Variants in PDE3B observed in about 807,000 individuals in gnomAD.
The protein encoded by PDE3B is cGMP-inhibited 3',5'-cyclic phosphodiesterase 3B.
In PDE3B, 66 loss-of-function variants were observed where a neutral mutation model predicts 116.8. That is an observed-to-expected ratio of 0.56 (90% CI 0.46 to 0.69). The LOEUF is 0.69. Ranked by LOEUF, PDE3B falls within the 30% of genes least tolerant of loss-of-function variation. The probability of loss-of-function intolerance (pLI) is 0.00; values close to 1 mark genes in which losing one functional copy is unlikely to be tolerated. For synonymous variants in PDE3B, 595 were observed against 533.6 expected, an observed-to-expected ratio of 1.12 and a Z score of -1.59; for missense variants, 1,384 against 1,368.1, an observed-to-expected ratio of 1.01 and a Z score of -0.18.
intron 1 of PDE3B, among the ~76,000 whole-genome samples, chr11:14,647,926 GT>G (rs34959387): frequency 0.15 from 20,315 of 136,336 alleles, 1,887 homozygotes; most frequent in African/African-American, 0.31. Context: ...CTTAACTAAG[GT>G]TTTTTTTTTT....
intron 1 of PDE3B, among the ~76,000 whole-genome samples, chr11:14,679,705 A>C (rs919038776): frequency 6.6e-6 from 1 of 151,764 alleles, no homozygotes; most frequent in African/African-American, 2.4e-5. Context: ...GGAGCAGCTC[A>C]GGGCGAACTC....
At chr11:14,867,990 G>T (rs1848078629) in intron 15 of PDE3B, among the ~76,000 whole-genome samples, 1 of 152,080 alleles carries the variant, frequency 6.6e-6, no homozygotes. Context: ...ATTTTGAATA[G>T]GGATATTCAA....
At chr11:14,863,830 A>G (rs1214427141) in intron 14 of PDE3B, among the ~76,000 whole-genome samples, 7 of 152,250 alleles carry the variant, frequency 4.6e-5, no homozygotes, top group African/African-American at 1.2e-4. Context: ...GGAAAAACCG[A>G]TAACAGCCAC....
chr11:14,811,084 G>A (rs200503013), intron 5 of PDE3B, among the ~76,000 whole-genome samples: 13 of 147,052 alleles, frequency 8.8e-5, no homozygotes, highest in Non-Finnish European at 6.0e-5. Flanking sequence ...TGTCAGATGA[G>A]TAGGTTGTGA....
At chr11:14,781,931 A>G (rs2133910404) in intron 2 of PDE3B, among the ~76,000 whole-genome samples, 1 of 152,278 alleles carries the variant, frequency 6.6e-6, no homozygotes, top group African/African-American at 2.4e-5. Flanking sequence ...TCAGCCCCAA[A>G]TCTCCTTAAG....
At chr11:14,803,741 A>G (rs1006125704) in intron 4 of PDE3B, among the ~76,000 whole-genome samples, 10 of 152,202 alleles carry the variant, frequency 6.6e-5, no homozygotes, top group Admixed American at 2.0e-4. Context: ...AGTAGCTGCA[A>G]TAGAGAACAT....
intron 1 of PDE3B, among the ~76,000 whole-genome samples, chr11:14,722,255 A>T (rs1055704967): frequency 6.6e-6 from 1 of 152,148 alleles, no homozygotes; most frequent in African/African-American, 2.4e-5. Flanking sequence ...GCACATGTAT[A>T]CATATGTAAC....
At chr11:14,840,232 A>C (rs1860180916) in intron 11 of PDE3B, among the ~76,000 whole-genome samples, 1 of 152,234 alleles carries the variant, frequency 6.6e-6, no homozygotes, top group Non-Finnish European at 1.5e-5. Flanking sequence ...GTGTAAATAC[A>C]TGGAGTTTTG....
chr11:14,857,677 T>C (rs782583573), intron 12 of PDE3B, among the ~76,000 whole-genome samples: 1 of 152,206 alleles, frequency 6.6e-6, no homozygotes, highest in Non-Finnish European at 1.5e-5. Flanking sequence ...TTTGGCAATT[T>C]CAAAGGGTAA....
At chr11:14,877,248 C>G in the PDE3B span, among the ~76,000 whole-genome samples, 2 of 152,094 alleles carry the variant, frequency 1.3e-5, no homozygotes, top group South Asian at 4.1e-4. Flanking sequence ...TCCCAGTTTA[C>G]ACAGTTACCC....
chr11:14,799,504 G>T (rs1401257194), intron 4 of PDE3B, among the ~76,000 whole-genome samples: 1 of 151,962 alleles, frequency 6.6e-6, no homozygotes, highest in Admixed American at 6.6e-5. Context: ...TTTCTGTCTC[G>T]TTGATCTGTC....
chr11:14,731,315 G>A (rs1856451609), intron 1 of PDE3B, among the ~76,000 whole-genome samples: 2 of 145,556 alleles, frequency 1.4e-5, no homozygotes, highest in Non-Finnish European at 3.0e-5. Flanking sequence ...CTGGAGTGCA[G>A]TGGCACTATC....
At chr11:14,876,848 C>G (rs972610479), downstream of PDE3B, among the ~76,000 whole-genome samples, 5 of 152,116 alleles carry the variant, frequency 3.3e-5, no homozygotes, top group Non-Finnish European at 7.4e-5. Flanking sequence ...GACCCTAAAA[C>G]TTCCACCCTT....
At chr11:14,655,962 AT>A (rs1853706226) in intron 1 of PDE3B, among the ~76,000 whole-genome samples, 1 of 152,186 alleles carries the variant, frequency 6.6e-6, no homozygotes, top group Non-Finnish European at 1.5e-5. Flanking sequence ...ATGTTGGAAG[AT>A]TTTCAGAAGA....
At chr11:14,679,860 T>G (rs1174673747) in intron 1 of PDE3B, among the ~76,000 whole-genome samples, 3 of 151,974 alleles carry the variant, frequency 2.0e-5, no homozygotes, top group African/African-American at 7.2e-5. Flanking sequence ...TCCACTTTGC[T>G]CCATCACTCT....
rs1193286275 is a variant in PDE3B, at chr11:14,647,082, CAGTG to C, written c.978+2030_978+2033del. ...ATTTATGCTTGTTCCAGAAGTCTAA[CAGTG>C]GATTTGTGCTTTTTGTTTGCATGTA... On this transcript the variant is annotated intron_variant, in intron 1 of 15. Transcript: ENST00000282096. 3.3e-5 allele frequency among the ~76,000 whole-genome samples: 5 copies of C among 151,852 alleles called. No individual in the cohort carries two copies. In the East Asian group the frequency reaches 9.6e-4, roughly 29 times the overall value.
At chr11:14,677,425 A>G (rs530933889) in intron 1 of PDE3B, among the ~76,000 whole-genome samples, 12 of 152,364 alleles carry the variant, frequency 7.9e-5, no homozygotes, top group African/African-American at 2.6e-4. Flanking sequence ...ACTTGCGTAT[A>G]TGTAATGATA....
intron 13 of PDE3B, among the ~76,000 whole-genome samples, chr11:14,860,184 T>G (rs1223240761): frequency 6.6e-6 from 1 of 152,212 alleles, no homozygotes; most frequent in Non-Finnish European, 1.5e-5. Context: ...AAAATTCATT[T>G]AAGTGCTTAA....
chr11:14,708,196 G>A lies in PDE3B; in HGVS notation c.978+63143G>A, dbSNP rs117173963. Among the ~76,000 whole-genome samples the A allele has an allele frequency of 2.0e-5, 3 of 152,106 alleles. No homozygotes were observed. In the East Asian group the frequency reaches 5.8e-4, roughly 29 times the overall value. On this transcript the variant is annotated intron_variant, in intron 1 of 15. Transcript: ENST00000282096. ...CTGGAGGAGCTTGTTGTTAAAAAGA[G>A]CCTGGTACTTCCTTCCATCTCTCTC...
Sources: allele counts gnomAD v4.1 joint callset (sites outside exome capture counted in the v4.1 genomes callset), GRCh38; gene constraint gnomAD v4.1.1; transcripts MANE v1.5; gene names NCBI Gene and HGNC (gene_info 2026-07-23, HGNC 2026-07-21).